Variants in CLASP1 observed in about 807,000 individuals in gnomAD.
CLASP1 encodes CLIP-associating protein 1.
CLASP1 carries 38 observed loss-of-function variants against 192.3 expected under a neutral mutation model. The observed-to-expected ratio is 0.20, with a 90% CI of 0.15 to 0.26. CLASP1 has a LOEUF of 0.26. CLASP1 is among the 10% of genes least tolerant of loss of function. The pLI, the probability that CLASP1 is intolerant of heterozygous loss-of-function variation, is 1.00. For synonymous variants in CLASP1, 691 were observed against 712.8 expected (o/e 0.97, Z 0.49); for missense variants, 1,433 against 1,932.5 (o/e 0.74, Z 4.85).
rs200008096 is a variant in CLASP1 at position 121,588,360 on chromosome 2, G to GA, written c.195+17340dup. 7.5e-4 allele frequency among the ~76,000 whole-genome samples: 114 copies of GA among 152,058 alleles called. No homozygotes were observed. The East Asian group carries it at 0.022, about 29-fold the overall frequency. On this transcript the variant is annotated intron_variant, in intron 2 of 39. Transcript: ENST00000263710. Reference sequence around the variant, plus strand: ...AGAATTCAAACTTCACATTTATACAGAAAAAATGGCAACATGCCCATAAAA... The same window carrying GA: ...AGAATTCAAACTTCACATTTATACAGAAAAAAATGGCAACATGCCCATAAAA...
intron 34 of CLASP1, among the ~76,000 whole-genome samples, chr2:121,375,914 A>G (rs1180680294): frequency 6.6e-6 from 1 of 152,248 alleles, no homozygotes; most frequent in Non-Finnish European, 1.5e-5. Flanking sequence ...CTGAGAAAAA[A>G]GGCACTTAAC....
In CLASP1 at chr2:121,605,770, A is replaced by G. The variant is rs1343828976; in HGVS notation, c.126T>C (p.His42=). The stretch of plus-strand genomic sequence containing the variant: ...CAAGTTTATCTAACATGGTCTGGTC[A>G]TGCTCAAGGTCAGCAGACTTCTGTT... Residue 42 remains histidine, a synonymous_variant, in exon 2 of 40, where the codon CAT becomes CAC. Coordinates refer to ENST00000263710, the Ensembl canonical transcript of CLASP1. 3 of 1,614,054 alleles carry G rather than the reference A, an allele frequency of 1.9e-6. No homozygotes were observed. In the Admixed American group the frequency reaches 5.0e-5, roughly 27 times the overall value.
In CLASP1 at chr2:121,418,943, C is replaced by T. The variant is rs530658592; in HGVS notation, c.2213-214G>A. On this transcript the variant is annotated intron_variant, in intron 22 of 39. Transcript: ENST00000263710. ...TAAAATGTGATTATGCTCAATACCT[C>T]AGAAAGCTGTGAATTTCAGTACGAA... Among the ~76,000 whole-genome samples the T allele has an allele frequency of 1.9e-4, 29 of 152,150 alleles. 2 individuals carry two copies. In the South Asian group the frequency reaches 5.8e-3, roughly 31 times the overall value.
chr2:121,353,284 T>A (rs1280184591), intron 37 of CLASP1, among the ~76,000 whole-genome samples: 1 of 152,012 alleles, frequency 6.6e-6, no homozygotes, highest in Non-Finnish European at 1.5e-5. Context: ...TTGCTGGGGA[T>A]CGGGGGTGAA....
At chr2:121,375,513 A>T (rs2069876257) in intron 34 of CLASP1, among the ~76,000 whole-genome samples, 1 of 151,778 alleles carries the variant, frequency 6.6e-6, no homozygotes, top group African/African-American at 2.4e-5. Flanking sequence ...ACAGGTGTGC[A>T]CCACCAAGCC....
chr2:121,370,589 T>C (rs2149281382), intron 34 of CLASP1, among the ~76,000 whole-genome samples: 1 of 152,338 alleles, frequency 6.6e-6, no homozygotes, highest in Middle Eastern at 3.4e-3. Flanking sequence ...ACTCCCAAAG[T>C]GCTGGGATTA....
At chr2:121,448,851 A>T in intron 17 of CLASP1, 102 bp downstream of exon 17, 3 of 1,195,992 alleles carry the variant, frequency 2.5e-6, no homozygotes. Context: ...GGGCGTTTTA[A>T]CAAGCACCCA....
chr2:121,598,181 A>AC (rs566155102), intron 2 of CLASP1, among the ~76,000 whole-genome samples: 12 of 152,348 alleles, frequency 7.9e-5, no homozygotes, highest in African/African-American at 2.9e-4. Context: ...GTTGAACAGC[A>AC]CCGCCATGGT....
chr2:121,463,899 G>A (rs984410891), intron 9 of CLASP1, among the ~76,000 whole-genome samples: 4 of 151,572 alleles, frequency 2.6e-5, no homozygotes, highest in Admixed American at 6.6e-5. Flanking sequence ...CAATGTGCCG[G>A]TTAGTTACAT....
rs553380975 is a variant in CLASP1, at chr2:121,367,676, C to T, written c.3798G>A (p.Pro1266=). Residue 1266 remains proline (P), a synonymous_variant, in exon 35 of 40, where the codon CCG becomes CCA. Coordinates refer to ENST00000263710, the Ensembl canonical transcript of CLASP1. ...TGTTGATGGCATCTGAGTAGGGGTA[C>T]GGGTTGTAGTCTCGCGCCCGCGGCC... 6.0e-5 allele frequency: 97 copies of T among 1,613,888 alleles called. No homozygotes were observed. The highest frequency in any genetic ancestry group is 1.6e-4 in the Middle Eastern group (1 of 6,082).
intron 6 of CLASP1, among the ~76,000 whole-genome samples, chr2:121,518,130 C>A (rs1293327650): frequency 1.4e-5 from 2 of 146,490 alleles, no homozygotes; most frequent in Non-Finnish European, 3.0e-5. Context: ...ACTTGGGAGG[C>A]TGAGGTAGGA....
chr2:121,634,444 A>G (rs572948925), intron 1 of CLASP1, among the ~76,000 whole-genome samples: 1 of 152,230 alleles, frequency 6.6e-6, no homozygotes, highest in East Asian at 1.9e-4. Context: ...CATCACCTCC[A>G]GTCTCCCTAC....
At chr2:121,437,840 C>T (rs2082567852) in intron 19 of CLASP1, among the ~76,000 whole-genome samples, 1 of 152,164 alleles carries the variant, frequency 6.6e-6, no homozygotes, top group African/African-American at 2.4e-5. Context: ...CAGCATTGAC[C>T]CTGACATACC....
intron 1 of CLASP1, among the ~76,000 whole-genome samples, chr2:121,644,868 GGATT>G (rs756375123): frequency 6.6e-6 from 1 of 151,598 alleles, no homozygotes; most frequent in Non-Finnish European, 1.5e-5. Flanking sequence ...TGAAGCAGGA[GGATT>G]GATTAAGTCC....
intron 2 of CLASP1, among the ~76,000 whole-genome samples, chr2:121,596,377 C>T (rs780924724): frequency 2.6e-5 from 4 of 152,124 alleles, no homozygotes; most frequent in Non-Finnish European, 5.9e-5. Flanking sequence ...GTGGCAGTAG[C>T]GAGGAGACTG....
intron 8 of CLASP1, among the ~76,000 whole-genome samples, chr2:121,501,502 TAC>T (rs1409226959): frequency 1.3e-5 from 2 of 152,300 alleles, no homozygotes; most frequent in South Asian, 2.1e-4. Flanking sequence ...ATACAAATTA[TAC>T]AGTTACAGGA....
At position 121,633,028 on chromosome 2, in the gene CLASP1, A is replaced by ATATATATATATATATATATATATATG. The variant is rs71398039; in HGVS notation, c.-286+16343_-286+16344insCATATATATATATATATATATATATA. Among the ~76,000 whole-genome samples the ATATATATATATATATATATATATATG allele has an allele frequency of 2.9e-3, 404 of 137,344 alleles. 11 individuals carry two copies. Among genetic ancestry groups the ATATATATATATATATATATATATATG allele is most frequent in the African/African-American group, 4.7e-3 (160 of 34,192 alleles). The allele number at this position is 137,344 out of a possible 152,430, so 90.1% of individuals were successfully genotyped here. ...TGTGCATATATATATATATATATAT[A>ATATATATATATATATATATATATATG]GGCTTTTTTTCATGAATATAATTAA... On this transcript the variant is annotated intron_variant, in intron 1 of 39. Transcript: ENST00000263710.
At chr2:121,587,273 T>C (rs1165431233) in intron 2 of CLASP1, among the ~76,000 whole-genome samples, 1 of 151,906 alleles carries the variant, frequency 6.6e-6, no homozygotes, top group East Asian at 1.9e-4. Context: ...AGACAGAGAA[T>C]AGATCAGAAC....
intron 26 of CLASP1, 59 bp downstream of exon 27, chr2:121,404,312 C>G: frequency 2.5e-6 from 4 of 1,587,368 alleles, no homozygotes; most frequent in Non-Finnish European, 3.4e-6. Flanking sequence ...GGTAGTATAT[C>G]ACACAGAGCA....
Sources: allele counts gnomAD v4.1 joint callset (sites outside exome capture counted in the v4.1 genomes callset), GRCh38; gene constraint gnomAD v4.1.1; transcripts MANE v1.5; gene names NCBI Gene and HGNC (gene_info 2026-07-23, HGNC 2026-07-21).